The following PKNOX2 variants were observed in gnomAD, a reference collection of about 807,000 sequenced individuals.
The protein encoded by PKNOX2 is PBX/knotted 1 homeobox 2, also known as homeobox protein PKNOX2.
A neutral mutation model predicts 53.1 loss-of-function variants in PKNOX2; 14 were observed. The ratio of observed to expected loss-of-function variants is 0.26; its 90% confidence interval spans 0.17 to 0.41. PKNOX2 has a LOEUF of 0.41. Ranked by LOEUF, PKNOX2 falls within the 10% of genes least tolerant of loss-of-function variation. The probability of loss-of-function intolerance (pLI) is 1.00; values close to 1 mark genes in which losing one functional copy is unlikely to be tolerated. For synonymous variants in PKNOX2, 257 were observed against 242.8 expected, an observed-to-expected ratio of 1.06 and a Z score of -0.54; for missense variants, 496 against 602.8, an observed-to-expected ratio of 0.82 and a Z score of 1.85.
chr11:125,363,925 A>G (rs1240395888), intron 4 of PKNOX2, among the ~76,000 whole-genome samples: 1 of 152,222 alleles, frequency 6.6e-6, no homozygotes, highest in Non-Finnish European at 1.5e-5. Context: ...TGCTCCCACC[A>G]TGGCCAATTT....
At chr11:125,211,882 T>C (rs887481696) in intron 1 of PKNOX2, among the ~76,000 whole-genome samples, 1 of 152,142 alleles carries the variant, frequency 6.6e-6, no homozygotes, top group Admixed American at 6.5e-5. Context: ...GTAAACAGGC[T>C]GCCCTGCCCT....
chr11:125,310,583 A>G (rs1248467504), intron 2 of PKNOX2, among the ~76,000 whole-genome samples: 1 of 152,180 alleles, frequency 6.6e-6, no homozygotes, highest in Non-Finnish European at 1.5e-5. Context: ...TTACTGTTAC[A>G]TAGCTTCCAG....
At chr11:125,207,833 T>C (rs947421313) in intron 1 of PKNOX2, among the ~76,000 whole-genome samples, 2 of 152,052 alleles carry the variant, frequency 1.3e-5, no homozygotes, top group Non-Finnish European at 2.9e-5. Flanking sequence ...GGAGGAGGCC[T>C]CTGGTTGTCA....
intron 1 of PKNOX2, among the ~76,000 whole-genome samples, chr11:125,185,281 G>A (rs922368307): frequency 6.6e-6 from 1 of 151,898 alleles, no homozygotes; most frequent in African/African-American, 2.4e-5. Context: ...TTGTTTGGTT[G>A]GGCTCTCTGA....
rs1381945053 is a variant in PKNOX2 at position 125,433,206 on chromosome 11, A to C, written c.*1814A>C. 2.0e-5 allele frequency: 3 copies of C among 152,606 alleles called. No homozygotes were observed. The highest frequency in any genetic ancestry group is 7.3e-5 in the African/African-American group (3 of 41,362). The allele number at this position is 152,606 out of a possible 1,614,324, so 9.5% of individuals were successfully genotyped here. ...CACGCGCACACAGACACACACACAC[A>C]CCGTTCCACTCACCACCTGGACAGG... On this transcript the variant is annotated 3_prime_UTR_variant, in exon 13 of 13. Coordinates refer to ENST00000298282, the MANE Select transcript of PKNOX2 (RefSeq NM_001382323.2).
At chr11:125,228,597 G>A (rs1053952816) in intron 1 of PKNOX2, among the ~76,000 whole-genome samples, 2 of 152,190 alleles carry the variant, frequency 1.3e-5, no homozygotes, top group Non-Finnish European at 2.9e-5. Flanking sequence ...TGCACTGAAT[G>A]TTTCTGGTCT....
chr11:125,168,233 T>C (rs543480578), intron 1 of PKNOX2, among the ~76,000 whole-genome samples: 3 of 152,356 alleles, frequency 2.0e-5, no homozygotes, highest in Admixed American at 6.5e-5. Flanking sequence ...TGCTTTTTGC[T>C]TTTTCAATCT....
chr11:125,384,533 A>C (rs1259793276), intron 5 of PKNOX2, among the ~76,000 whole-genome samples: 2 of 152,076 alleles, frequency 1.3e-5, no homozygotes, highest in African/African-American at 4.8e-5. Context: ...AAAATACAAA[A>C]ATAAGCCAGG....
chr11:125,208,224 T>C (rs595010), intron 1 of PKNOX2, among the ~76,000 whole-genome samples: 73,160 of 151,744 alleles, frequency 0.48, 18,467 homozygotes, highest in African/African-American at 0.57. Context: ...TATGCAAAGG[T>C]CCTGAGGCAG....
intron 1 of PKNOX2, among the ~76,000 whole-genome samples, chr11:125,171,710 C>T (rs1197347005): frequency 1.3e-5 from 2 of 152,214 alleles, no homozygotes; most frequent in Non-Finnish European, 2.9e-5. Flanking sequence ...GGCTTGGGCC[C>T]TTTTCCAGGT....
rs746006351 is a variant in PKNOX2, at chr11:125,431,206, C to G, written c.1233C>G (p.Asp411Glu). The G allele has an allele frequency of 1.9e-6, 3 of 1,613,822 alleles. No individual in the cohort carries two copies. The South Asian group carries it at 3.3e-5, about 18-fold the overall frequency. The change falls in exon 13 of 13, where the codon GAC becomes GAG. Residue 411 changes from aspartate to glutamate, a missense_variant. Physicochemically the swap from Asp to Glu is conservative, Grantham distance 45. Transcript: ENST00000298282. ...NLDNLQSLSS[D>E]SATMAMQQAM... ...ACAACCTGCAGTCCCTGTCCTCAGA[C>G]AGTGCCACCATGGCCATGCAGCAGG... is the stretch of plus-strand genomic sequence containing the variant.
chr11:125,280,058 AC>A (rs1294567972), intron 2 of PKNOX2, among the ~76,000 whole-genome samples: 1 of 150,462 alleles, frequency 6.6e-6, no homozygotes, highest in Admixed American at 6.6e-5. Context: ...GCTGGAAGAT[AC>A]CCACAGAAAA....
intron 7 of PKNOX2, among the ~76,000 whole-genome samples, chr11:125,408,178 A>G (rs1955231826): frequency 6.6e-6 from 1 of 152,222 alleles, no homozygotes; most frequent in Non-Finnish European, 1.5e-5. Flanking sequence ...GGGAAGTCCC[A>G]GGCATCTCTA....
chr11:125,220,745 A>C (rs1941060662), intron 1 of PKNOX2, among the ~76,000 whole-genome samples: 2 of 152,172 alleles, frequency 1.3e-5, no homozygotes, highest in South Asian at 4.1e-4. Context: ...TTCTGACTAC[A>C]AAAGCAGAGG....
chr11:125,174,301 C>T lies in PKNOX2; in HGVS notation c.-201+9525C>T, dbSNP rs929475138. Reference sequence around the variant, plus strand: ...CCTGAACCCACTATTTAATTAGTGCCCATTAGCATGCTGTGGGGAACACTC... The same window carrying T: ...CCTGAACCCACTATTTAATTAGTGCTCATTAGCATGCTGTGGGGAACACTC... On this transcript the variant is annotated intron_variant, in intron 1 of 12. Coordinates refer to ENST00000298282, the MANE Select transcript of PKNOX2 (RefSeq NM_001382323.2). 2.6e-5 allele frequency among the ~76,000 whole-genome samples: 4 copies of T among 152,228 alleles called. No individual in the cohort carries two copies. In the East Asian group the frequency reaches 7.7e-4, roughly 29 times the overall value.
chr11:125,420,854 G>A (rs1456955209), intron 10 of PKNOX2, among the ~76,000 whole-genome samples: 3 of 152,214 alleles, frequency 2.0e-5, no homozygotes, highest in Non-Finnish European at 2.9e-5. Context: ...AAAAGGAGAC[G>A]CTGAAGGTTC....
chr11:125,411,617 C>T, intron 9 of PKNOX2, 129 bp from the exon 10 acceptor site: 1 of 1,482,682 alleles, frequency 6.7e-7, no homozygotes, highest in Non-Finnish European at 9.3e-7. Context: ...GAAAGGTGAC[C>T]TCCCCAGGGC....
At chr11:125,263,911 G>A (rs1266259651) in intron 2 of PKNOX2, among the ~76,000 whole-genome samples, 2 of 152,194 alleles carry the variant, frequency 1.3e-5, no homozygotes, top group Admixed American at 1.3e-4. Context: ...GGCGTATAAG[G>A]GGGTGCGGGG....
At chr11:125,376,733 T>C (rs952116516) in intron 5 of PKNOX2, among the ~76,000 whole-genome samples, 2 of 152,342 alleles carry the variant, frequency 1.3e-5, no homozygotes, top group East Asian at 1.9e-4. Context: ...TCCTCTGCTG[T>C]GTGCCATATA....
Sources: allele counts gnomAD v4.1 joint callset (sites outside exome capture counted in the v4.1 genomes callset), GRCh38; gene constraint gnomAD v4.1.1; transcripts MANE v1.5; gene names NCBI Gene and HGNC (gene_info 2026-07-23, HGNC 2026-07-21).